The following SYNJ1 variants were observed in gnomAD, a reference collection of about 807,000 sequenced individuals.
The protein encoded by SYNJ1 is polyphosphatidylinositol phosphatase SYNJ1.
Under a neutral mutation model 168.2 loss-of-function variants are expected in SYNJ1, and 78 were observed. The ratio of observed to expected loss-of-function variants is 0.46; its 90% CI spans 0.39 to 0.56. The LOEUF (loss-of-function observed/expected upper bound fraction) is 0.56, where lower values mean the gene tolerates loss of function less well. Ranked by LOEUF, SYNJ1 falls within the 20% of genes least tolerant of loss-of-function variation. The pLI, the probability that SYNJ1 is intolerant of heterozygous loss-of-function variation, is 0.00. For synonymous variants in SYNJ1, 539 were observed against 548.6 expected, an observed-to-expected ratio of 0.98 and a Z score of 0.24; for missense variants, 1,303 against 1,597.6, an observed-to-expected ratio of 0.82 and a Z score of 3.14.
intron 15 of SYNJ1, among the ~76,000 whole-genome samples, chr21:32,667,168 A>G (rs1280636480): frequency 6.6e-6 from 1 of 152,096 alleles, no homozygotes; most frequent in Admixed American, 6.5e-5. Flanking sequence ...AATATTTAAT[A>G]TTTTGATGAG....
At chr21:32,678,499 G>C in intron 12 of SYNJ1, 146 bp downstream of exon 12, 1 of 820,814 alleles carries the variant, frequency 1.2e-6, no homozygotes, top group African/African-American at 1.8e-5. Context: ...AACTTCCCTT[G>C]GAGAATGTAC....
rs776721216 is a variant in SYNJ1, at chr21:32,645,011, T to A, written c.3392-5A>T. ...TGGGTGCAGGACTCCTAGCCCCTTA[T>A]AGTTCATAAGAAAATAGGCAGCAGA... On this transcript the variant is annotated splice_polypyrimidine_tract_variant and splice_region_variant and intron_variant, in intron 25 of 32. Coordinates refer to ENST00000674351, the MANE Select transcript of SYNJ1 (RefSeq NM_203446.3). 1.7e-5 allele frequency: 27 copies of A among 1,600,808 alleles called. No individual in the cohort carries two copies. Among genetic ancestry groups the A allele is most frequent in the Non-Finnish European group, 2.3e-5 (27 of 1,175,976 alleles).
At chr21:32,685,700 TTTAA>T in intron 9 of SYNJ1, 44 bp downstream of exon 9, 2 of 1,389,132 alleles carry the variant, frequency 1.4e-6, no homozygotes, top group South Asian at 1.9e-5. Context: ...AAGAATAATT[TTTAA>T]TTAATGTTCC....
chr21:32,647,587 T>C (rs1261380210), intron 23 of SYNJ1, among the ~76,000 whole-genome samples: 1 of 152,200 alleles, frequency 6.6e-6, no homozygotes, highest in African/African-American at 2.4e-5. Context: ...GAAGCCAGGG[T>C]TTGATCCCTC....
chr21:32,639,574 A>AT (rs1187796362), intron 30 of SYNJ1, 97 bp downstream of exon 30: 9 of 978,406 alleles, frequency 9.2e-6, no homozygotes, highest in African/African-American at 1.6e-5. Flanking sequence ...AGAGTTTTTA[A>AT]TTTTTTTACA....
At chr21:32,658,118 T>C (rs915516754) in intron 18 of SYNJ1, among the ~76,000 whole-genome samples, 1 of 152,188 alleles carries the variant, frequency 6.6e-6, no homozygotes, top group Non-Finnish European at 1.5e-5. Flanking sequence ...GTCCCTTTGC[T>C]GGGTCCCACC....
intron 2 of SYNJ1, among the ~76,000 whole-genome samples, chr21:32,716,891 G>T (rs975627867): frequency 6.6e-6 from 1 of 150,894 alleles, no homozygotes; most frequent in African/African-American, 2.4e-5. Context: ...CTTCAAGTTT[G>T]CCAATCATTT....
intron 32 of SYNJ1, among the ~76,000 whole-genome samples, chr21:32,634,322 T>A (rs1054297523): frequency 1.3e-5 from 2 of 152,210 alleles, no homozygotes; most frequent in Admixed American, 6.5e-5. Context: ...ATGACAATAT[T>A]AAAATTGGTG....
intron 9 of SYNJ1, among the ~76,000 whole-genome samples, 189 bp downstream of exon 9, chr21:32,685,559 A>C (rs1301070621): frequency 6.6e-6 from 1 of 151,988 alleles, no homozygotes; most frequent in Non-Finnish European, 1.5e-5. Flanking sequence ...AGACTGCACC[A>C]CTGCACACCA....
chr21:32,719,093 C>T (rs1025871451), intron 2 of SYNJ1, among the ~76,000 whole-genome samples: 2 of 152,192 alleles, frequency 1.3e-5, no homozygotes, highest in Non-Finnish European at 2.9e-5. Flanking sequence ...GATAAAAGCA[C>T]AATCTGAACT....
rs759103240 is a variant in SYNJ1 at position 32,645,694 on chromosome 21, C to T, written c.3343G>A (p.Ala1115Thr). 2.7e-6 allele frequency: 4 copies of T among 1,493,876 alleles called. No homozygotes were observed. Among genetic ancestry groups the T allele is most frequent in the Non-Finnish European group, 1.8e-6 (2 of 1,125,734 alleles). 92.5% of individuals were successfully genotyped at this position (1,493,876 alleles called of 1,614,324 possible). The change falls in exon 25 of 33, where the codon GCC becomes ACC. Residue 1115 changes from alanine (A) to threonine (T), a missense_variant. Coordinates refer to ENST00000674351, the MANE Select transcript of SYNJ1 (RefSeq NM_203446.3). ...PKRPPPPRPV[A>T]PPTRPAPPQR... Reference sequence around the variant, plus strand: ...GGGGGAGCCGGGCGTGTGGGAGGGGCGACCGGGCGGGGCGGCGGCGGCCGC... The same window carrying T: ...GGGGGAGCCGGGCGTGTGGGAGGGGTGACCGGGCGGGGCGGCGGCGGCCGC...
intron 3 of SYNJ1, 94 bp from the exon 4 acceptor site, chr21:32,700,199 G>A: frequency 7.2e-7 from 1 of 1,397,768 alleles, no homozygotes; most frequent in Non-Finnish European, 9.6e-7. Context: ...ATCTGACATT[G>A]TGATTATTTT....
At chr21:32,689,018 T>C (rs2041929375) in intron 6 of SYNJ1, among the ~76,000 whole-genome samples, 1 of 152,232 alleles carries the variant, frequency 6.6e-6, no homozygotes, top group African/African-American at 2.4e-5. Context: ...ATCAGGAATT[T>C]TGGGTTAAGC....
rs2042343383 is a variant in SYNJ1, at chr21:32,699,998, G to A, written c.319C>T (p.Arg107Ter). 2.5e-6 allele frequency: 4 copies of A among 1,613,982 alleles called. No individual in the cohort carries two copies. Among genetic ancestry groups the A allele is most frequent in the South Asian group, 1.1e-5 (1 of 91,078 alleles). ...CGATCCTCATCTGAAGAATCGATTC[G>A]CAGTGATATAAACTCAGTGGAAGTA... ...RVTSTEFISL[R>*]IDSSDEDRIS... The change falls in exon 4 of 33, where the codon CGA becomes TGA. Residue 107 changes from arginine to a stop codon, truncating the protein, a stop_gained. Coordinates refer to ENST00000674351, the MANE Select transcript of SYNJ1 (RefSeq NM_203446.3). LOFTEE classifies it high-confidence loss of function.
Position 32,680,277 on chromosome 21 carries a change from G to A in SYNJ1, c.1353+1219C>T, listed in dbSNP as rs111425274. ...ATGAGACACAGAAGAGGAAGACTTG[G>A]AAATTAAAAGAAGACTTGGAGACCA... On this transcript the variant is annotated intron_variant, in intron 11 of 32. Transcript: ENST00000674351. Among the ~76,000 whole-genome samples the A allele has an allele frequency of 7.9e-5, 12 of 152,220 alleles. 1 individual carries two copies. Among genetic ancestry groups the A allele is most frequent in the African/African-American group, 2.6e-4 (11 of 41,538 alleles).
chr21:32,636,357 T>C (rs844986), intron 31 of SYNJ1, among the ~76,000 whole-genome samples: 84,168 of 152,060 alleles, frequency 0.55, 23,855 homozygotes, highest in African/African-American at 0.68. Flanking sequence ...TCGAATTAAA[T>C]GAATCTCTTC....
rs368381417 is a variant in SYNJ1 at position 32,630,964 on chromosome 21, G to C, written c.*841C>G. Reference sequence around the variant, plus strand: ...TTCTCTTAGCTCTATCCTGCCAAAAGCAAGTACCCACTGTTTTCTATTGCA... The same window carrying C: ...TTCTCTTAGCTCTATCCTGCCAAAACCAAGTACCCACTGTTTTCTATTGCA... On this transcript the variant is annotated 3_prime_UTR_variant, in exon 33 of 33. Coordinates refer to ENST00000674351, the MANE Select transcript of SYNJ1 (RefSeq NM_203446.3). The C allele has an allele frequency of 1.9e-6, 3 of 1,582,398 alleles. No individual in the cohort carries two copies. The highest frequency in any genetic ancestry group is 2.3e-5 in the South Asian group (2 of 86,376).
intron 32 of SYNJ1, among the ~76,000 whole-genome samples, chr21:32,634,484 TA>T (rs961158071): frequency 5.1e-4 from 78 of 152,258 alleles, no homozygotes; most frequent in African/African-American, 1.8e-3. Flanking sequence ...TATTTTTTCC[TA>T]AAAAACATAC....
intron 8 of SYNJ1, among the ~76,000 whole-genome samples, chr21:32,686,755 CAG>C (rs1453026702): frequency 6.6e-6 from 1 of 152,124 alleles, no homozygotes; most frequent in Non-Finnish European, 1.5e-5. Context: ...GATTAGAAAA[CAG>C]TGTCATTTGC....
Sources: allele counts gnomAD v4.1 joint callset (sites outside exome capture counted in the v4.1 genomes callset), GRCh38; gene constraint gnomAD v4.1.1; transcripts MANE v1.5; gene names NCBI Gene and HGNC (gene_info 2026-07-23, HGNC 2026-07-21).